TRAPPC3L: variants seen among roughly 807,000 people sequenced by gnomAD.
TRAPPC3L encodes the protein trafficking protein particle complex subunit 3L.
TRAPPC3L carries 23 observed loss-of-function variants against 23.7 expected under a neutral mutation model. That is an observed-to-expected ratio of 0.97 (90% CI 0.70 to 1.37). TRAPPC3L has a LOEUF of 1.37. TRAPPC3L is among the 40% of genes most tolerant of loss of function. The pLI, the probability that TRAPPC3L is intolerant of heterozygous loss-of-function variation, is 0.00. For synonymous variants in TRAPPC3L, 81 were observed against 77.9 expected (o/e 1.04, Z -0.21); for missense variants, 212 against 216.8 (o/e 0.98, Z 0.14).
At position 116,515,831 on chromosome 6, in the gene TRAPPC3L, A is replaced by T. The variant is rs554592738; in HGVS notation, c.241-15165T>A. On this transcript the variant is annotated intron_variant, in intron 3 of 4. Coordinates refer to ENST00000368602, the MANE Select transcript of TRAPPC3L (RefSeq NM_001139444.3). The stretch of plus-strand genomic sequence containing the variant: ...GAGGCCAGATCCTTTTCCCATGCCT[A>T]CGTTTGCTGCCTGGGAGGCTGCTTC... 14 of 1,613,982 alleles carry T rather than the reference A, an allele frequency of 8.7e-6. No homozygotes were observed. In the African/African-American group the frequency reaches 1.9e-4, roughly 22 times the overall value.
rs769765057 is a variant in TRAPPC3L at position 116,515,652 on chromosome 6, CAT to C, written c.241-14988_241-14987del. ...GCGTCTTTCTTCTCTCTGCTCACCA[CAT>C]GTTATGCTCGCTGCCGATCTAAAGT... On this transcript the variant is annotated intron_variant, in intron 3 of 4. Coordinates refer to ENST00000368602, the MANE Select transcript of TRAPPC3L (RefSeq NM_001139444.3). The C allele has an allele frequency of 6.2e-6, 10 of 1,613,986 alleles. No homozygotes were observed. The East Asian group carries it at 8.9e-5, about 14-fold the overall frequency.
At chr6:116,501,416 G>A (rs1458664840) in intron 3 of TRAPPC3L, among the ~76,000 whole-genome samples, 1 of 152,176 alleles carries the variant, frequency 6.6e-6, no homozygotes, top group Non-Finnish European at 1.5e-5. Flanking sequence ...TGCCTCCTTA[G>A]ATTCCACCTC....
chr6:116,501,130 C>T (rs1482071260), intron 3 of TRAPPC3L, among the ~76,000 whole-genome samples: 1 of 152,222 alleles, frequency 6.6e-6, no homozygotes, highest in Non-Finnish European at 1.5e-5. Context: ...CTGTACACTT[C>T]TGCCCAAATA....
chr6:116,509,466 CAA>C (rs541677386), intron 3 of TRAPPC3L, among the ~76,000 whole-genome samples: 21 of 152,268 alleles, frequency 1.4e-4, no homozygotes, highest in African/African-American at 4.6e-4. Context: ...GTATAGTTAT[CAA>C]AACAGCATAG....
At chr6:116,533,311 C>G (rs1772856026) in intron 3 of TRAPPC3L, among the ~76,000 whole-genome samples, 1 of 152,200 alleles carries the variant, frequency 6.6e-6, no homozygotes, top group Admixed American at 6.5e-5. Flanking sequence ...TTGTATTTAA[C>G]AAATTTCACA....
At chr6:116,535,079 AGTAACTAGAAG>A (rs1365501289) in intron 3 of TRAPPC3L, among the ~76,000 whole-genome samples, 1 of 152,232 alleles carries the variant, frequency 6.6e-6, no homozygotes, top group Non-Finnish European at 1.5e-5. Context: ...AAACATTGTC[AGTAACTAGAAG>A]GTATGGATGG....
intron 3 of TRAPPC3L, chr6:116,517,629 G>A (rs974079502): frequency 6.6e-6 from 1 of 152,192 alleles, no homozygotes; most frequent in African/African-American, 2.4e-5. Context: ...GAAGAAATAT[G>A]TATTTGGTCT....
intron 3 of TRAPPC3L, among the ~76,000 whole-genome samples, chr6:116,535,314 G>A (rs1396569572): frequency 6.6e-6 from 1 of 152,244 alleles, no homozygotes; most frequent in Non-Finnish European, 1.5e-5. Flanking sequence ...TCAGCAGGAT[G>A]TGGACTCTTC....
At chr6:116,513,170 C>T (rs1772158681) in intron 3 of TRAPPC3L, among the ~76,000 whole-genome samples, 1 of 152,082 alleles carries the variant, frequency 6.6e-6, no homozygotes, top group South Asian at 2.1e-4. Context: ...ACAGAAATAG[C>T]ATTATTTTAC....
At chr6:116,503,410 C>A (rs1771951916) in intron 3 of TRAPPC3L, among the ~76,000 whole-genome samples, 1 of 151,980 alleles carries the variant, frequency 6.6e-6, no homozygotes, top group Non-Finnish European at 1.5e-5. Context: ...ACTTAGACTC[C>A]CACACAATAA....
chr6:116,511,601 T>C (rs1022552661), intron 3 of TRAPPC3L: 2 of 1,108,534 alleles, frequency 1.8e-6, no homozygotes, highest in East Asian at 2.4e-5. Flanking sequence ...AGAAGGACTG[T>C]TGTTTCTGAT....
intron 3 of TRAPPC3L, chr6:116,522,812 GA>G (rs1260241739): frequency 6.6e-6 from 1 of 152,046 alleles, no homozygotes; most frequent in African/African-American, 2.4e-5. Context: ...TCAGTATCAC[GA>G]TGAAGCTTGT....
intron 3 of TRAPPC3L, chr6:116,512,249 A>C (rs1772137924): frequency 1.9e-6 from 3 of 1,580,010 alleles, no homozygotes; most frequent in Non-Finnish European, 2.6e-6. Context: ...AAGAAAAGAC[A>C]AACTCGCCTT....
chr6:116,541,077 G>T (rs1180741608), intron 2 of TRAPPC3L, among the ~76,000 whole-genome samples: 1 of 152,006 alleles, frequency 6.6e-6, no homozygotes, highest in African/African-American at 2.4e-5. Flanking sequence ...TTGGGGGAAG[G>T]TATTGTATTA....
At chr6:116,522,714 G>A (rs1772367660) in intron 3 of TRAPPC3L, 2 of 152,154 alleles carry the variant, frequency 1.3e-5, no homozygotes. Flanking sequence ...TAGCAAGTGA[G>A]GGTTTCAGAC....
chr6:116,542,555 C>T (rs1773529661), intron 2 of TRAPPC3L, among the ~76,000 whole-genome samples: 1 of 152,056 alleles, frequency 6.6e-6, no homozygotes, highest in African/African-American at 2.4e-5. Context: ...GAGTCCTCTT[C>T]AGAGTTTATA....
At chr6:116,521,947 A>G (rs926168925) in intron 3 of TRAPPC3L, 1 of 152,162 alleles carries the variant, frequency 6.6e-6, no homozygotes, top group Non-Finnish European at 1.5e-5. Flanking sequence ...AAAAGCCACT[A>G]TGTAAGAACT....
intron 3 of TRAPPC3L, among the ~76,000 whole-genome samples, chr6:116,504,500 GA>G: frequency 6.6e-6 from 1 of 152,178 alleles, no homozygotes; most frequent in Non-Finnish European, 1.5e-5. Flanking sequence ...CCAATCAACA[GA>G]AAAAGAGGGA....
chr6:116,525,432 A>C (rs530367245), intron 3 of TRAPPC3L, among the ~76,000 whole-genome samples: 4 of 152,254 alleles, frequency 2.6e-5, no homozygotes, highest in South Asian at 2.1e-4. Flanking sequence ...TTTTTTAAAA[A>C]TTTCCTTAGA....
Sources: gnomAD v4.1 joint callset for allele counts (sites outside exome capture counted in the v4.1 genomes callset) on GRCh38, gnomAD v4.1.1 for gene constraint, MANE v1.5 for transcripts, NCBI Gene and HGNC (gene_info 2026-07-23, HGNC 2026-07-21) for gene names.